XPO7: variants seen among roughly 807,000 people sequenced by gnomAD.
XPO7 encodes exportin 7, also known as exportin-7.
In XPO7, 21 loss-of-function variants were observed where a neutral mutation model predicts 144.3. The ratio of observed to expected loss-of-function variants is 0.15; its 90% CI spans 0.10 to 0.21. The LOEUF (loss-of-function observed/expected upper bound fraction) is 0.21. Ranked by LOEUF, XPO7 falls within the 10% of genes least tolerant of loss-of-function variation. The pLI is 1.00. For missense variants in XPO7, 808 were observed against 1,325.8 expected (o/e 0.61, Z 6.06); for synonymous variants, 580 against 499.6 (o/e 1.16, Z -2.15).
rs1434910800 is a variant in XPO7 at position 22,004,154 on chromosome 8, A to G, written c.3170+124A>G. 7 of 1,218,554 alleles carry G rather than the reference A, an allele frequency of 5.7e-6. No homozygotes were observed. The African/African-American group carries it at 1.1e-4, about 19-fold the overall frequency. 75.5% of individuals were successfully genotyped at this position (1,218,554 alleles called of 1,614,324 possible). On this transcript the variant is annotated intron_variant, in intron 27 of 27. Transcript: ENST00000252512. ...GAGGCCATCTAAAGCAATGCAATGC[A>G]ATAGAAAAGTGAGCCATGTTAAACA...
At chr8:21,985,435 C>T (rs545571420) in intron 12 of XPO7, 151 bp from the exon 13 acceptor site, 20 of 717,390 alleles carry the variant, frequency 2.8e-5, no homozygotes, top group Admixed American at 7.0e-5. Flanking sequence ...TAGCATTGCC[C>T]TTACCAAAGC....
In XPO7 at chr8:21,987,654, T is replaced by A. The variant is rs971990014; in HGVS notation, c.1714-130T>A. The stretch of plus-strand genomic sequence containing the variant: ...AATACTTGGAAACTAGCTTATCCCT[T>A]CAGTAAAGTCCTCTCTGGGATTCTT... On this transcript the variant is annotated intron_variant, in intron 14 of 27. Transcript: ENST00000252512. 22 of 997,804 alleles carry A rather than the reference T, an allele frequency of 2.2e-5. No individual in the cohort carries two copies. The African/African-American group carries it at 3.4e-4, about 15-fold the overall frequency. 61.8% of individuals were successfully genotyped at this position (997,804 alleles called of 1,614,324 possible).
intron 19 of XPO7, 91 bp downstream of exon 19, chr8:21,992,065 C>A: frequency 1.1e-6 from 1 of 893,706 alleles, no homozygotes; most frequent in Non-Finnish European, 1.7e-6. Context: ...CTATCCACTG[C>A]CATAGCTTTT....
At chr8:21,919,890 G>T in intron 1 of XPO7, 102 bp downstream of exon 1, 1 of 284,970 alleles carries the variant, frequency 3.5e-6, no homozygotes. Flanking sequence ...GGACTCGGCA[G>T]GCCCGCGCCG....
chr8:21,981,707 A>G (rs765061583), intron 9 of XPO7, 24 bp from the exon 10 acceptor site: 4 of 1,612,014 alleles, frequency 2.5e-6, no homozygotes, highest in Non-Finnish European at 3.4e-6. Flanking sequence ...TTTACATTTT[A>G]TTTTTCTCCT....
chr8:21,935,891 A>G (rs1234608290), intron 1 of XPO7, among the ~76,000 whole-genome samples: 1 of 152,062 alleles, frequency 6.6e-6, no homozygotes, highest in African/African-American at 2.4e-5. Context: ...CACAAACTCA[A>G]TCAGCTTTCC....
rs534811494 is a variant in XPO7, at chr8:21,972,680, C to T, written c.492+739C>T. On this transcript the variant is annotated intron_variant, in intron 5 of 27. Transcript: ENST00000252512. ...ATATTTTAGTCATTTACTTTTTTATCCAGCTAAAAATTTGTGATTATAGAA... is the reference window on the plus strand; with the variant it reads ...ATATTTTAGTCATTTACTTTTTTATTCAGCTAAAAATTTGTGATTATAGAA... Among the ~76,000 whole-genome samples the T allele has an allele frequency of 3.9e-5, 6 of 152,252 alleles. No homozygotes were observed. The East Asian group carries it at 1.2e-3, about 29-fold the overall frequency.
At chr8:21,958,854 G>A (rs942220459) in intron 1 of XPO7, among the ~76,000 whole-genome samples, 2 of 151,822 alleles carry the variant, frequency 1.3e-5, no homozygotes, top group African/African-American at 4.8e-5. Flanking sequence ...CCAGCTACTT[G>A]GGAGACTGAG....
At chr8:21,951,237 A>C (rs559752001) in intron 1 of XPO7, among the ~76,000 whole-genome samples, 2 of 151,760 alleles carry the variant, frequency 1.3e-5, no homozygotes, top group South Asian at 4.2e-4. Flanking sequence ...ACATAGGTAG[A>C]TATGCTCACC....
intron 6 of XPO7, among the ~76,000 whole-genome samples, chr8:21,975,155 T>G (rs528776808): frequency 6.6e-6 from 1 of 152,362 alleles, no homozygotes; most frequent in Admixed American, 6.5e-5. Context: ...GGTGTTTGGA[T>G]TCTTAGTGCT....
In XPO7 at chr8:22,005,519, C is replaced by G. The variant is rs1813299919; in HGVS notation, c.*431C>G. 1 of 153,300 alleles carries G rather than the reference C, an allele frequency of 6.5e-6. No individual in the cohort carries two copies. The allele number at this position is 153,300 out of a possible 1,614,324, so 9.5% of individuals were successfully genotyped here. On this transcript the variant is annotated 3_prime_UTR_variant, in exon 28 of 28. Coordinates refer to ENST00000252512, the MANE Select transcript of XPO7 (RefSeq NM_015024.5). Reference sequence around the variant, plus strand: ...TTTTACAGAGTCTAGTGCACCAATGCTGATGTGAGGGGTTGTGTATGCGAG... The same window carrying G: ...TTTTACAGAGTCTAGTGCACCAATGGTGATGTGAGGGGTTGTGTATGCGAG...
At chr8:21,960,597 T>A (rs532854450) in intron 1 of XPO7, among the ~76,000 whole-genome samples, 2 of 152,364 alleles carry the variant, frequency 1.3e-5, no homozygotes, top group African/African-American at 4.8e-5. Flanking sequence ...AATTTTGCAG[T>A]CTCATATGGT....
At chr8:21,971,390 TA>T (rs540515096) in intron 4 of XPO7, among the ~76,000 whole-genome samples, 100 of 152,312 alleles carry the variant, frequency 6.6e-4, no homozygotes, top group African/African-American at 2.2e-3. Flanking sequence ...TTTAATAGGT[TA>T]AAAAAATTGG....
chr8:21,960,938 C>A (rs1811706862), intron 1 of XPO7, among the ~76,000 whole-genome samples: 1 of 152,102 alleles, frequency 6.6e-6, no homozygotes, highest in Non-Finnish European at 1.5e-5. Context: ...TGGCATTCAT[C>A]CATACATACA....
At chr8:21,981,701 C>T (rs779653325) in intron 9 of XPO7, 30 bp from the exon 10 acceptor site, 2 of 1,611,440 alleles carry the variant, frequency 1.2e-6, no homozygotes, top group African/African-American at 1.3e-5. Context: ...GCACATTTTA[C>T]ATTTTATTTT....
At chr8:22,003,045 GA>G in intron 25 of XPO7, 173 bp from the exon 26 acceptor site, 1 of 459,190 alleles carries the variant, frequency 2.2e-6, no homozygotes, top group South Asian at 3.7e-5. Context: ...TATCTTAGAA[GA>G]AAAGGTAACC....
intron 1 of XPO7, among the ~76,000 whole-genome samples, chr8:21,940,869 C>T (rs1189696134): frequency 6.6e-6 from 1 of 152,134 alleles, no homozygotes; most frequent in African/African-American, 2.4e-5. Context: ...GATCCAATCT[C>T]TGGATGCATC....
At chr8:21,962,500 A>C (rs545345805) in intron 1 of XPO7, among the ~76,000 whole-genome samples, 1 of 152,296 alleles carries the variant, frequency 6.6e-6, no homozygotes, top group East Asian at 1.9e-4. Context: ...TAACTAGTAA[A>C]ATGTTACTAA....
chr8:22,003,179 A>G, intron 25 of XPO7, 40 bp from the exon 26 acceptor site: 1 of 1,517,882 alleles, frequency 6.6e-7, no homozygotes, highest in Non-Finnish European at 9.0e-7. Flanking sequence ...GGGTAGCAAT[A>G]CATTAGGTCA....
Sources: gnomAD v4.1 joint callset for allele counts (sites outside exome capture counted in the v4.1 genomes callset) on GRCh38, gnomAD v4.1.1 for gene constraint, MANE v1.5 for transcripts, NCBI Gene and HGNC (gene_info 2026-07-23, HGNC 2026-07-21) for gene names.